Variants in XIRP2 observed in about 807,000 individuals in gnomAD.
XIRP2 encodes the protein xin actin-binding repeat-containing protein 2.
Under a neutral mutation model 277.0 loss-of-function variants are expected in XIRP2, and 236 were observed. The ratio of observed to expected loss-of-function variants is 0.85; its 90% confidence interval spans 0.77 to 0.95. XIRP2 has a LOEUF of 0.95. Among genes scored for constraint, XIRP2 ranks in the 40% least tolerant of loss-of-function variants. XIRP2 has a pLI of 0.00. For synonymous variants in XIRP2, 1,490 were observed against 1,416.5 expected (o/e 1.05, Z -1.17); for missense variants, 4,640 against 4,157.5 (o/e 1.12, Z -3.19).
chr2:167,167,143 T>G (rs545511936), intron 3 of XIRP2, among the ~76,000 whole-genome samples: 2 of 152,310 alleles, frequency 1.3e-5, no homozygotes, highest in Admixed American at 1.3e-4. Context: ...GAAAATAATA[T>G]AGCTATTCCT....
At chr2:167,235,353 A>C (rs897349815) in intron 5 of XIRP2, among the ~76,000 whole-genome samples, 1 of 151,894 alleles carries the variant, frequency 6.6e-6, no homozygotes, top group African/African-American at 2.4e-5. Flanking sequence ...CAAAATGACA[A>C]CAACAAAAAA....
At position 167,250,965 on chromosome 2, in the gene XIRP2, G is replaced by A. The variant is rs750604401; in HGVS notation, c.9573G>A (p.Lys3191=). The A allele has an allele frequency of 3.1e-6, 5 of 1,613,630 alleles. No individual in the cohort carries two copies. The South Asian group carries it at 5.5e-5, about 18-fold the overall frequency. Residue 3191 remains lysine, a synonymous_variant, in exon 9 of 11, where the codon AAG becomes AAA. Transcript: ENST00000409195. Reference sequence around the variant, plus strand: ...TCAGACTCAAAGACACCACTGCAAAGTTATCCAAAGGGGCCATCCCATGTC... The same window carrying A: ...TCAGACTCAAAGACACCACTGCAAAATTATCCAAAGGGGCCATCCCATGTC... ...QLVRLKDTTA[K]LSKGAIPCPA...
At chr2:167,070,864 G>A (rs750968692) in intron 2 of XIRP2, among the ~76,000 whole-genome samples, 2 of 152,034 alleles carry the variant, frequency 1.3e-5, no homozygotes, top group African/African-American at 4.8e-5. Flanking sequence ...AAACCTTAAG[G>A]AAACAACATG....
At position 167,118,653 on chromosome 2, in the gene XIRP2, C is replaced by G. The variant is rs75145227; in HGVS notation, c.409-17256C>G. 3.3e-3 allele frequency among the ~76,000 whole-genome samples: 496 copies of G among 152,192 alleles called. 25 individuals carry two copies. The East Asian group carries it at 0.084, about 26-fold the overall frequency. ...TTCAGAACACCATATTGGACAGAGA[C>G]CAGACCATCATCAGATAATGCACCT... On this transcript the variant is annotated intron_variant, in intron 2 of 10. Coordinates refer to ENST00000409195, the MANE Select transcript of XIRP2 (RefSeq NM_152381.6).
intron 2 of XIRP2, among the ~76,000 whole-genome samples, chr2:166,996,085 C>T (rs986350803): frequency 6.6e-6 from 1 of 152,172 alleles, no homozygotes; most frequent in African/African-American, 2.4e-5. Flanking sequence ...CTCAGGATCC[C>T]ACTCCAAGTT....
At chr2:166,892,808 G>GTTAT in intron 1 of XIRP2, among the ~76,000 whole-genome samples, 1 of 143,236 alleles carries the variant, frequency 7.0e-6, no homozygotes, top group East Asian at 2.0e-4. Flanking sequence ...TTTCATAGAA[G>GTTAT]ATATATATAT....
intron 3 of XIRP2, among the ~76,000 whole-genome samples, chr2:167,189,464 T>G (rs1001776235): frequency 6.6e-6 from 1 of 152,208 alleles, no homozygotes; most frequent in Non-Finnish European, 1.5e-5. Flanking sequence ...TTATATTGTC[T>G]TTTTTATTTG....
chr2:167,256,211 A>G (rs983430807), intron 10 of XIRP2, among the ~76,000 whole-genome samples: 14 of 151,568 alleles, frequency 9.2e-5, no homozygotes, highest in Admixed American at 5.9e-4. Context: ...CTGTTTTATT[A>G]TATAGTTTTT....
At chr2:167,105,183 A>G (rs867126107) in intron 2 of XIRP2, among the ~76,000 whole-genome samples, 3 of 151,952 alleles carry the variant, frequency 2.0e-5, no homozygotes, top group South Asian at 2.1e-4. Flanking sequence ...ATTTCCCTCA[A>G]TGGTAACATC....
intron 2 of XIRP2, among the ~76,000 whole-genome samples, chr2:166,985,850 A>G (rs1459451580): frequency 6.6e-6 from 1 of 152,178 alleles, no homozygotes; most frequent in African/African-American, 2.4e-5. Context: ...TCAGTCTCCC[A>G]AAGAGGGAAG....
chr2:167,198,906 G>A (rs552797651), intron 3 of XIRP2, among the ~76,000 whole-genome samples: 6 of 152,234 alleles, frequency 3.9e-5, no homozygotes, highest in African/African-American at 7.2e-5. Flanking sequence ...GCTGCTGTTC[G>A]TGGACTTAGG....
At chr2:166,894,926 GC>G (rs1684201941) in intron 1 of XIRP2, among the ~76,000 whole-genome samples, 2 of 152,276 alleles carry the variant, frequency 1.3e-5, no homozygotes, top group South Asian at 4.1e-4. Context: ...CTTCCCTGAG[GC>G]AGTCATGCCG....
chr2:166,914,202 T>C (rs1461814687), intron 2 of XIRP2, among the ~76,000 whole-genome samples: 3 of 152,158 alleles, frequency 2.0e-5, no homozygotes, highest in Non-Finnish European at 2.9e-5. Context: ...AGAAAATTGA[T>C]GCAGCCCTTA....
In XIRP2 at chr2:167,181,773, GTTTTAC is replaced by G. The variant is rs143646082; in HGVS notation, c.563-28956_563-28951del. Among the ~76,000 whole-genome samples the G allele has an allele frequency of 8.0e-3, 1,218 of 152,182 alleles. 43 individuals carry two copies. The East Asian group carries it at 0.092, about 11-fold the overall frequency. ...ACACTGACGTAACTAGTAAAGAACA[GTTTTAC>G]TTTTATTTTTTATATTGGGAGCCAG... On this transcript the variant is annotated intron_variant, in intron 3 of 10. Coordinates refer to ENST00000409195, the MANE Select transcript of XIRP2 (RefSeq NM_152381.6).
Position 167,259,176 on chromosome 2 carries a change from G to A in XIRP2, c.*1359G>A. On this transcript the variant is annotated 3_prime_UTR_variant, in exon 11 of 11. Coordinates refer to ENST00000409195, the MANE Select transcript of XIRP2 (RefSeq NM_152381.6). ...CCATGCTTGGATTTAAGGGAATTTG[G>A]AAAGGATGTTAAACCTTGGCATGTT... is the stretch of plus-strand genomic sequence containing the variant. The A allele has an allele frequency of 6.2e-7, 1 of 1,613,344 alleles. No individual in the cohort carries two copies. The highest frequency in any genetic ancestry group is 2.2e-5 in the East Asian group (1 of 44,840).
At chr2:167,190,289 A>G (rs1461171178) in intron 3 of XIRP2, among the ~76,000 whole-genome samples, 1 of 152,082 alleles carries the variant, frequency 6.6e-6, no homozygotes, top group African/African-American at 2.4e-5. Flanking sequence ...TGTTCTTTTC[A>G]GAGGCCAAAC....
intron 8 of XIRP2, 129 bp downstream of exon 8, chr2:167,242,039 G>T: frequency 8.4e-7 from 1 of 1,196,974 alleles, no homozygotes. Flanking sequence ...CATTTATTCA[G>T]TTCTGTAAGG....
At position 167,246,859 on chromosome 2, in the gene XIRP2, G is replaced by A. The variant is rs528046000; in HGVS notation, c.5467G>A (p.Glu1823Lys). The change falls in exon 9 of 11, where the codon GAG becomes AAG. Residue 1823 changes from glutamate (E) to lysine (K), a missense_variant. Transcript: ENST00000409195. ...TAACACAGTTAAGGTTTTTATGACC[G>A]AGCCTCAGAGTACATTTGGTAAGAT... Reference protein sequence around the residue: ...VHNTVKVFMTEPQSTFGKIPK... With the variant: ...VHNTVKVFMTKPQSTFGKIPK... 9 of 1,613,732 alleles carry A rather than the reference G, an allele frequency of 5.6e-6. No individual in the cohort carries two copies. The highest frequency in any genetic ancestry group is 4.5e-5 in the East Asian group (2 of 44,840).
Position 167,249,049 on chromosome 2 carries a change from C to T in XIRP2, c.7657C>T (p.Gln2553Ter). 6.2e-7 allele frequency: 1 copy of T among 1,611,174 alleles called. No homozygotes were observed. The highest frequency in any genetic ancestry group is 8.5e-7 in the Non-Finnish European group (1 of 1,179,232). The change falls in exon 9 of 11, where the codon CAA becomes TAA. Residue 2553 changes from glutamine to a stop codon, truncating the protein, a stop_gained. Coordinates refer to ENST00000409195, the MANE Select transcript of XIRP2 (RefSeq NM_152381.6). LOFTEE classifies it high-confidence loss of function. ...AATGATTGCTGAAGAAAAATATAGA[C>T]AACAAAAAGAAGAAATTGAAAAACA... ...PLMIAEEKYRQQKEEIEKQKQ... is the reference protein window; with the variant it reads ...PLMIAEEKYR
Sources: gnomAD v4.1 joint callset for allele counts (sites outside exome capture counted in the v4.1 genomes callset) on GRCh38, gnomAD v4.1.1 for gene constraint, MANE v1.5 for transcripts, NCBI Gene and HGNC (gene_info 2026-07-23, HGNC 2026-07-21) for gene names.